The following OSBP2 variants were observed in gnomAD, a reference collection of about 807,000 sequenced individuals.
The protein encoded by OSBP2 is oxysterol-binding protein 2.
Under a neutral mutation model 96.0 loss-of-function variants are expected in OSBP2, and 66 were observed. That is an observed-to-expected ratio of 0.69 (90% CI 0.56 to 0.84). The LOEUF (loss-of-function observed/expected upper bound fraction) is 0.84. OSBP2 is among the 40% of genes least tolerant of loss of function. OSBP2 has a pLI of 0.00. For synonymous variants in OSBP2, 525 were observed against 520.9 expected, an observed-to-expected ratio of 1.01 and a Z score of -0.11; for missense variants, 1,038 against 1,222.7, an observed-to-expected ratio of 0.85 and a Z score of 2.25.
intron 2 of OSBP2, among the ~76,000 whole-genome samples, chr22:30,803,808 G>A (rs1395910608): frequency 7.2e-6 from 1 of 139,206 alleles, no homozygotes; most frequent in Non-Finnish European, 1.5e-5. Context: ...CCAGTGGGGT[G>A]TGTGTGTGTG....
chr22:30,898,264 G>C (rs1024119988), intron 12 of OSBP2, among the ~76,000 whole-genome samples: 1 of 152,008 alleles, frequency 6.6e-6, no homozygotes, highest in African/African-American at 2.4e-5. Context: ...GAGGTGGGAG[G>C]ATCACTTGAG....
At chr22:30,812,694 T>C (rs1184506300) in intron 2 of OSBP2, among the ~76,000 whole-genome samples, 2 of 152,226 alleles carry the variant, frequency 1.3e-5, no homozygotes, top group African/African-American at 4.8e-5. Flanking sequence ...TATCAACAGA[T>C]GCTATAAAAT....
chr22:30,766,271 G>A (rs1293132918), intron 2 of OSBP2, among the ~76,000 whole-genome samples: 2 of 152,124 alleles, frequency 1.3e-5, no homozygotes, highest in Non-Finnish European at 2.9e-5. Context: ...GCTCATGGAA[G>A]GGACTAGTTT....
At chr22:30,858,441 C>T (rs1170782765) in intron 2 of OSBP2, among the ~76,000 whole-genome samples, 6 of 151,834 alleles carry the variant, frequency 4.0e-5, no homozygotes, top group South Asian at 2.1e-4. Context: ...CCACCGCGCC[C>T]GGCCTCACTT....
intron 2 of OSBP2, among the ~76,000 whole-genome samples, chr22:30,742,455 G>A (rs2089951899): frequency 6.6e-6 from 1 of 151,744 alleles, no homozygotes; most frequent in East Asian, 1.9e-4. Flanking sequence ...TAAACCAACA[G>A]CTTCTAAATC....
At chr22:30,767,935 C>A (rs1419954157) in intron 2 of OSBP2, among the ~76,000 whole-genome samples, 1 of 152,114 alleles carries the variant, frequency 6.6e-6, no homozygotes, top group Admixed American at 6.6e-5. Context: ...CAGGTATCCA[C>A]ATTAGGAGAA....
At chr22:30,726,862 G>A (rs1300390701) in intron 1 of OSBP2, among the ~76,000 whole-genome samples, 1 of 152,198 alleles carries the variant, frequency 6.6e-6, no homozygotes, top group Admixed American at 6.5e-5. Context: ...CCTCATCTCC[G>A]AAAGTGAGCA....
chr22:30,889,498 T>C lies in OSBP2; in HGVS notation c.1485T>C (p.Asp495=), dbSNP rs755680918. Residue 495 remains aspartate, a synonymous_variant, in exon 7 of 14, where the codon GAT becomes GAC. Transcript: ENST00000332585. ...CCCCACTTATGTGGCAGGTACTAGA[T>C]GGTGCCTCGCTCGTGCCCAAGGGTT... The part of the protein sequence containing the change: ...VDWSSADNVL[D]GASLVPKGSS... 2.5e-5 allele frequency: 40 copies of C among 1,614,020 alleles called. No homozygotes were observed. The highest frequency in any genetic ancestry group is 3.2e-5 in the Non-Finnish European group (38 of 1,179,990).
intron 2 of OSBP2, among the ~76,000 whole-genome samples, chr22:30,746,485 C>CTTTTTTT (rs34500140): frequency 5.9e-5 from 6 of 101,540 alleles, no homozygotes; most frequent in Admixed American, 1.2e-4. Flanking sequence ...GGATGAAACA[C>CTTTTTTT]TTTTTTTTTT....
chr22:30,810,912 G>C (rs1281114489), intron 2 of OSBP2, among the ~76,000 whole-genome samples: 1 of 152,066 alleles, frequency 6.6e-6, no homozygotes, highest in African/African-American at 2.4e-5. Context: ...GGCATCACAG[G>C]TTTCAGCGTG....
intron 2 of OSBP2, among the ~76,000 whole-genome samples, chr22:30,778,292 C>T (rs746798302): frequency 2.2e-5 from 3 of 135,884 alleles, no homozygotes; most frequent in Non-Finnish European, 4.8e-5. Flanking sequence ...TCATACTGCC[C>T]GTGTGCATGT....
At chr22:30,713,882 C>G (rs2089401118) in intron 1 of OSBP2, among the ~76,000 whole-genome samples, 1 of 152,172 alleles carries the variant, frequency 6.6e-6, no homozygotes, top group African/African-American at 2.4e-5. Flanking sequence ...TCCATCACCT[C>G]AAACATTTAT....
At chr22:30,725,554 A>AC (rs2089634079) in intron 1 of OSBP2, among the ~76,000 whole-genome samples, 1 of 151,424 alleles carries the variant, frequency 6.6e-6, no homozygotes, top group African/African-American at 2.4e-5. Context: ...ACAAAAAAAA[A>AC]AACACACAAA....
At position 30,796,505 on chromosome 22, in the gene OSBP2, T is replaced by A. The variant is rs535104272; in HGVS notation, c.853+55136T>A. ...CATTGGGTTTAATTTTTTTTAATTA[T>A]TTATTTATTTATTTATTTGAAACAG... On this transcript the variant is annotated intron_variant, in intron 2 of 13. Transcript: ENST00000332585. Among the ~76,000 whole-genome samples, 73 of 151,888 alleles carry A rather than the reference T, an allele frequency of 4.8e-4. No individual in the cohort carries two copies. The South Asian group carries it at 5.6e-3, about 12-fold the overall frequency.
intron 2 of OSBP2, among the ~76,000 whole-genome samples, chr22:30,816,136 A>T (rs1191800723): frequency 2.0e-5 from 3 of 152,178 alleles, no homozygotes; most frequent in Admixed American, 6.5e-5. Flanking sequence ...AAAAAAAAAT[A>T]AAAAGTTTTG....
chr22:30,724,944 C>T (rs1251673413), intron 1 of OSBP2, among the ~76,000 whole-genome samples: 11 of 151,744 alleles, frequency 7.2e-5, no homozygotes, highest in Admixed American at 4.6e-4. Flanking sequence ...GAGGCCGAGG[C>T]GGGTGGATCA....
intron 1 of OSBP2, among the ~76,000 whole-genome samples, chr22:30,712,872 TA>T (rs2089376801): frequency 6.6e-6 from 1 of 152,110 alleles, no homozygotes; most frequent in Admixed American, 6.6e-5. Flanking sequence ...GGGCTGCCAG[TA>T]AAGGAAGGAG....
chr22:30,737,769 GT>G (rs1291759721), intron 1 of OSBP2, among the ~76,000 whole-genome samples: 1 of 151,486 alleles, frequency 6.6e-6, no homozygotes, highest in Non-Finnish European at 1.5e-5. Context: ...CTGGAGTGCA[GT>G]GGCACGATCT....
At chr22:30,842,940 T>C (rs1054190000) in intron 2 of OSBP2, among the ~76,000 whole-genome samples, 2 of 152,000 alleles carry the variant, frequency 1.3e-5, no homozygotes, top group Non-Finnish European at 2.9e-5. Flanking sequence ...CCACCACACC[T>C]GGCTAATTTT....
Sources: allele counts gnomAD v4.1 joint callset (sites outside exome capture counted in the v4.1 genomes callset), GRCh38; gene constraint gnomAD v4.1.1; transcripts MANE v1.5; gene names NCBI Gene and HGNC (gene_info 2026-07-23, HGNC 2026-07-21).